KLF8: variants seen among roughly 807,000 people sequenced by gnomAD.
KLF8 encodes the protein KLF transcription factor 8.
A neutral mutation model predicts 18.2 loss-of-function variants in KLF8; 10 were observed. The ratio of observed to expected loss-of-function variants is 0.55; its 90% CI spans 0.34 to 0.93. The LOEUF (loss-of-function observed/expected upper bound fraction) is 0.93, where lower values mean the gene tolerates loss of function less well. KLF8 is among the 40% of genes least tolerant of loss of function. The pLI is 0.02. For synonymous variants in KLF8, 109 were observed against 97.3 expected (o/e 1.12, Z -0.71); for missense variants, 264 against 277.9 (o/e 0.95, Z 0.36).
the KLF8 span, among the ~76,000 whole-genome samples, chrX:56,086,100 A>G: frequency 2.7e-5 from 3 of 112,168 alleles, no homozygotes; most frequent in Non-Finnish European, 5.6e-5. Flanking sequence ...TCAAGAAGAA[A>G]ATGTTAGAAG....
chrX:56,061,986 C>CTTTTTTTTTTTTTTTTTTTTTTTTT, the KLF8 span, among the ~76,000 whole-genome samples: 56 of 57,113 alleles, frequency 9.8e-4, no homozygotes, highest in African/African-American at 3.2e-3. Flanking sequence ...GCAACCCCTG[C>CTTTTTTTTTTTTTTTTTTTTTTTTT]TTTTTTTTTT....
chrX:56,120,766 T>G, the KLF8 span, among the ~76,000 whole-genome samples: 1 of 111,594 alleles, frequency 9.0e-6, no homozygotes, highest in Non-Finnish European at 1.9e-5. Flanking sequence ...CAAGGAAGCA[T>G]AAATTCTGGG....
chrX:55,976,885 T>C, the KLF8 span, among the ~76,000 whole-genome samples: 1 of 112,178 alleles, frequency 8.9e-6, no homozygotes, highest in East Asian at 2.8e-4. Flanking sequence ...TTTATACTTT[T>C]TGTCATTATT....
chrX:56,185,867 G>A, the KLF8 span, among the ~76,000 whole-genome samples: 2 of 111,797 alleles, frequency 1.8e-5, no homozygotes, highest in Admixed American at 1.9e-4. Context: ...AAGAGATCCT[G>A]AAGGAAGCAC....
chrX:56,202,559 T>TCCCCC, the KLF8 span, among the ~76,000 whole-genome samples: 9 of 75,804 alleles, frequency 1.2e-4, no homozygotes, highest in Non-Finnish European at 1.8e-4. Flanking sequence ...CCATTAACCT[T>TCCCCC]CCCCCCCCCT....
chrX:56,053,544 G>GTTTTTT, the KLF8 span, among the ~76,000 whole-genome samples: 146 of 68,706 alleles, frequency 2.1e-3, 5 homozygotes, highest in Non-Finnish European at 2.7e-3. Flanking sequence ...TCTTTTCTTT[G>GTTTTTT]TTTTTTTTTT....
the KLF8 span, among the ~76,000 whole-genome samples, chrX:56,189,712 C>T: frequency 9.2e-6 from 1 of 109,164 alleles, no homozygotes. Context: ...GAGTTCATGT[C>T]CTTTGTAGGG....
At chrX:56,058,391 C>T in the KLF8 span, among the ~76,000 whole-genome samples, 7 of 88,321 alleles carry the variant, frequency 7.9e-5, no homozygotes, top group East Asian at 1.9e-3. Context: ...GCAGAATGTG[C>T]CAGTTTGTTA....
At chrX:56,127,824 A>G in the KLF8 span, among the ~76,000 whole-genome samples, 2 of 112,415 alleles carry the variant, frequency 1.8e-5, no homozygotes, top group Admixed American at 1.9e-4. Context: ...AAAGCAAACA[A>G]TAAATTGAGT....
At chrX:56,276,917 T>C (rs1353438486) in intron 5 of KLF8, among the ~76,000 whole-genome samples, 2 of 111,951 alleles carry the variant, frequency 1.8e-5, no homozygotes, top group Admixed American at 9.5e-5. Context: ...CTAGATCCTA[T>C]AGTTGTTGCT....
chrX:56,214,979 C>G, the KLF8 span, among the ~76,000 whole-genome samples: 1 of 112,187 alleles, frequency 8.9e-6, no homozygotes, highest in African/African-American at 3.2e-5. Context: ...ATTATCCTTC[C>G]AATTTAGAAA....
chrX:55,959,665 C>T, the KLF8 span, among the ~76,000 whole-genome samples: 1 of 111,583 alleles, frequency 9.0e-6, no homozygotes. Flanking sequence ...AGCTCAAAGG[C>T]TGCTTCTTCA....
chrX:56,243,068 A>G (rs2066569058), intron 1 of KLF8: 2 of 520,021 alleles, frequency 3.8e-6, no homozygotes, highest in Non-Finnish European at 3.5e-6. Flanking sequence ...GAGCTTCTTC[A>G]CAGCCTGTTT....
chrX:56,085,121 A>G, the KLF8 span, among the ~76,000 whole-genome samples: 1 of 111,995 alleles, frequency 8.9e-6, no homozygotes, highest in Non-Finnish European at 1.9e-5. Flanking sequence ...AGCCCCAGAG[A>G]AACACTTGAA....
chrX:56,105,759 T>C, the KLF8 span, among the ~76,000 whole-genome samples: 47 of 111,717 alleles, frequency 4.2e-4, 2 homozygotes, highest in East Asian at 0.013. Context: ...ATTATGTCAT[T>C]ATGATGTTAG....
the KLF8 span, among the ~76,000 whole-genome samples, chrX:56,183,034 C>T: frequency 1.8e-5 from 2 of 112,651 alleles, no homozygotes; most frequent in South Asian, 7.2e-4. Flanking sequence ...GGAATTTCTG[C>T]TGCCTTTTAT....
the KLF8 span, among the ~76,000 whole-genome samples, chrX:56,022,390 C>CA: frequency 2.8e-5 from 3 of 107,531 alleles, no homozygotes; most frequent in Admixed American, 1.0e-4. Context: ...ACTAAAATTA[C>CA]AAAAAATTAG....
the KLF8 span, among the ~76,000 whole-genome samples, chrX:56,045,604 C>T: frequency 1.5e-4 from 17 of 111,156 alleles, no homozygotes; most frequent in Middle Eastern, 4.6e-3. Context: ...TTTTTGTTTT[C>T]GTAGATGTCT....
the KLF8 span, among the ~76,000 whole-genome samples, chrX:55,916,120 C>T: frequency 8.9e-6 from 1 of 111,812 alleles, no homozygotes; most frequent in Non-Finnish European, 1.9e-5. Flanking sequence ...GCTACTTATA[C>T]CTAGATAAAC....
Sources: allele counts gnomAD v4.1 joint callset (sites outside exome capture counted in the v4.1 genomes callset), GRCh38; gene constraint gnomAD v4.1.1; transcripts MANE v1.5; gene names NCBI Gene and HGNC (gene_info 2026-07-23, HGNC 2026-07-21).